MZT1: variants seen among roughly 807,000 people sequenced by gnomAD.
MZT1 encodes the protein mitotic spindle organizing protein 1.
In MZT1, 8 loss-of-function variants were observed where a neutral mutation model predicts 8.5. That is an observed-to-expected ratio of 0.94 (90% CI 0.55 to 1.70). The LOEUF (loss-of-function observed/expected upper bound fraction) is 1.70, where lower values mean the gene tolerates loss of function less well. MZT1 is among the 40% of genes most tolerant of loss of function. MZT1 has a pLI of 0.00. For missense variants in MZT1, 93 were observed against 108.6 expected, an observed-to-expected ratio of 0.86 and a Z score of 0.64; for synonymous variants, 38 against 42.0, an observed-to-expected ratio of 0.90 and a Z score of 0.37.
intron 1 of MZT1, among the ~76,000 whole-genome samples, chr13:72,723,249 T>C (rs1210112613): frequency 6.6e-6 from 1 of 152,260 alleles, no homozygotes; most frequent in Non-Finnish European, 1.5e-5. Context: ...ATCTCATTTG[T>C]GGTTTCTTCT....
At position 72,719,081 on chromosome 13, in the gene MZT1, T is replaced by C; in HGVS notation, c.96A>G (p.Ser32=). ...TATCTAAGCCAGTATTCAAAATTCTTGAAATCTCAAGCAGAACTGAAAAAA... is the reference window on the plus strand; with the variant it reads ...TATCTAAGCCAGTATTCAAAATTCTCGAAATCTCAAGCAGAACTGAAAAAA... ...RETMDVLLEI[S]RILNTGLDME... The change falls in exon 2 of 3, where the codon TCA becomes TCG. Residue 32 remains serine, a synonymous_variant. Transcript: ENST00000377818. 6.6e-7 allele frequency: 1 copy of C among 1,522,984 alleles called. No homozygotes were observed. The highest frequency in any genetic ancestry group is 8.7e-7 in the Non-Finnish European group (1 of 1,147,258). The allele number at this position is 1,522,984 out of a possible 1,614,324, so 94.3% of individuals were successfully genotyped here.
rs140763988 is a variant in MZT1, at chr13:72,722,253, T to C, written c.80-3156A>G. Among the ~76,000 whole-genome samples the C allele has an allele frequency of 9.8e-5, 15 of 152,328 alleles. No homozygotes were observed. In the East Asian group the frequency reaches 1.9e-3, roughly 20 times the overall value. On this transcript the variant is annotated intron_variant, in intron 1 of 2. Coordinates refer to ENST00000377818, the MANE Select transcript of MZT1 (RefSeq NM_001071775.3). Reference sequence around the variant, plus strand: ...GGCAAGTTACTCTCTCTGTGCCTTATTTCACCATTCTCGAAAGTGAGGATA... The same window carrying C: ...GGCAAGTTACTCTCTCTGTGCCTTACTTCACCATTCTCGAAAGTGAGGATA...
At chr13:72,720,676 G>T (rs948407843) in intron 1 of MZT1, among the ~76,000 whole-genome samples, 1 of 152,132 alleles carries the variant, frequency 6.6e-6, no homozygotes, top group South Asian at 2.1e-4. Context: ...ATCACCTGAG[G>T]TCGGGAGTTC....
At chr13:72,713,592 C>CTGTA (rs1450693759) in intron 2 of MZT1, among the ~76,000 whole-genome samples, 1 of 152,176 alleles carries the variant, frequency 6.6e-6, no homozygotes, top group Non-Finnish European at 1.5e-5. Flanking sequence ...GAAAAAAAGT[C>CTGTA]TGTACATTCT....
intron 1 of MZT1, among the ~76,000 whole-genome samples, chr13:72,722,974 C>T (rs185061026): frequency 6.6e-6 from 1 of 152,228 alleles, no homozygotes; most frequent in South Asian, 2.1e-4. Flanking sequence ...AGCCCTTGTA[C>T]ATTCTAAGTG....
chr13:72,717,813 T>C (rs2032550541), intron 2 of MZT1, among the ~76,000 whole-genome samples: 1 of 152,194 alleles, frequency 6.6e-6, no homozygotes, highest in Non-Finnish European at 1.5e-5. Context: ...TCTTTTCTCT[T>C]CTTTCTGAGC....
chr13:72,719,222 T>C, intron 1 of MZT1, 125 bp from the exon 2 acceptor site: 1 of 714,110 alleles, frequency 1.4e-6, no homozygotes, highest in Non-Finnish European at 2.0e-6. Flanking sequence ...ATCCCAGGTT[T>C]TGGAAATCTG....
chr13:72,715,911 G>T (rs186657601), intron 2 of MZT1, among the ~76,000 whole-genome samples: 79 of 151,696 alleles, frequency 5.2e-4, no homozygotes, highest in African/African-American at 1.7e-3. Context: ...CTGGTCTCCG[G>T]TTTTTTTGTT....
chr13:72,710,422 G>C, intron 2 of MZT1, 77 bp from the exon 3 acceptor site: 1 of 1,303,968 alleles, frequency 7.7e-7, no homozygotes, highest in Non-Finnish European at 1.1e-6. Context: ...TGTCAATACT[G>C]CACTGTCATT....
rs138140778 is a variant in MZT1, at chr13:72,719,067, G to A, written c.110C>T (p.Thr37Ile). The change falls in exon 2 of 3, where the codon ACT (threonine) becomes ATT (isoleucine). Residue 37 changes from threonine to isoleucine, a missense_variant. Transcript: ENST00000377818. ...AGACAGAGTTTCCATATCTAAGCCA[G>A]TATTCAAAATTCTTGAAATCTCAAG... is the stretch of plus-strand genomic sequence containing the variant. ...VLLEISRILN[T>I]GLDMETLSIC... is the part of the protein sequence containing the mutation. The A allele has an allele frequency of 4.6e-6, 7 of 1,520,236 alleles. No homozygotes were observed. The highest frequency in any genetic ancestry group is 2.4e-5 in the East Asian group (1 of 41,114). 94.2% of individuals were successfully genotyped at this position (1,520,236 alleles called of 1,614,324 possible).
intron 1 of MZT1, 52 bp downstream of exon 1, chr13:72,727,472 G>A (rs1395783519): frequency 6.4e-7 from 1 of 1,567,924 alleles, no homozygotes; most frequent in Non-Finnish European, 8.8e-7. Context: ...CCGCCTGGGG[G>A]CCTTGGCTCT....
intron 1 of MZT1, among the ~76,000 whole-genome samples, chr13:72,724,911 G>A (rs746082611): frequency 1.1e-3 from 162 of 148,852 alleles, no homozygotes; most frequent in Non-Finnish European, 1.8e-3. Context: ...AATTAGCTGG[G>A]CGTGGTGGCG....
At chr13:72,714,056 A>C (rs775677526) in intron 2 of MZT1, among the ~76,000 whole-genome samples, 49 of 152,148 alleles carry the variant, frequency 3.2e-4, no homozygotes, top group Non-Finnish European at 6.0e-4. Flanking sequence ...TAATGGGTAA[A>C]AGGCCTAGAC....
intron 1 of MZT1, among the ~76,000 whole-genome samples, chr13:72,724,557 G>C (rs1244707337): frequency 2.9e-5 from 2 of 68,974 alleles, no homozygotes; most frequent in African/African-American, 1.1e-4. Flanking sequence ...TTTTTTTTTT[G>C]AGATGGAGTC....
At chr13:72,726,637 G>A (rs1320320799) in intron 1 of MZT1, among the ~76,000 whole-genome samples, 5 of 151,028 alleles carry the variant, frequency 3.3e-5, no homozygotes, top group Non-Finnish European at 7.4e-5. Context: ...CTACAAGAGA[G>A]AGGCCATCTG....
chr13:72,712,545 A>G (rs1157052058), intron 2 of MZT1, among the ~76,000 whole-genome samples: 1 of 152,210 alleles, frequency 6.6e-6, no homozygotes, highest in Non-Finnish European at 1.5e-5. Context: ...TGAGAGACAG[A>G]TTTTCCATTC....
rs1157861889 is a variant in MZT1, at chr13:72,710,204, A to T, written c.*118T>A. The T allele has an allele frequency of 9.7e-7, 1 of 1,030,184 alleles. No individual in the cohort carries two copies. Among genetic ancestry groups the T allele is most frequent in the Non-Finnish European group, 1.5e-6 (1 of 688,554 alleles). The allele number at this position is 1,030,184 out of a possible 1,614,324, so 63.8% of individuals were successfully genotyped here. A position where few individuals can be genotyped will look rare whatever the true frequency, so the allele number is the denominator to read the frequency against. On this transcript the variant is annotated 3_prime_UTR_variant, in exon 3 of 3. Coordinates refer to ENST00000377818, the MANE Select transcript of MZT1 (RefSeq NM_001071775.3). ...GCTATGGTTTTATAATTCTTTTAAA[A>T]AGTAAAATTTTTCTACACTGCTGCA...
At chr13:72,727,367 C>T (rs539815214) in intron 1 of MZT1, among the ~76,000 whole-genome samples, 157 bp downstream of exon 1, 131 of 152,352 alleles carry the variant, frequency 8.6e-4, no homozygotes, top group African/African-American at 3.0e-3. Context: ...GGGATAGGGC[C>T]ATCAGCCCTG....
intron 2 of MZT1, among the ~76,000 whole-genome samples, chr13:72,716,806 AT>A (rs2032539517): frequency 6.6e-6 from 1 of 152,246 alleles, no homozygotes; most frequent in Non-Finnish European, 1.5e-5. Flanking sequence ...AACGTGGTTA[AT>A]TTGAATTGGA....
Sources: gnomAD v4.1 joint callset for allele counts (sites outside exome capture counted in the v4.1 genomes callset) on GRCh38, gnomAD v4.1.1 for gene constraint, MANE v1.5 for transcripts, NCBI Gene and HGNC (gene_info 2026-07-23, HGNC 2026-07-21) for gene names.